Variants in EZR observed in about 807,000 individuals in gnomAD.
EZR encodes cytovillin 2.
In EZR, 40 loss-of-function variants were observed where a neutral mutation model predicts 74.8. That is an observed-to-expected ratio of 0.53 (90% CI 0.42 to 0.70). The LOEUF is 0.70. Among genes scored for constraint, EZR ranks in the 30% least tolerant of loss-of-function variants. The probability of loss-of-function intolerance (pLI) is 0.00; values close to 1 mark genes in which losing one functional copy is unlikely to be tolerated. For synonymous variants in EZR, 341 were observed against 283.3 expected (o/e 1.20, Z -2.05); for missense variants, 678 against 755.8 (o/e 0.90, Z 1.21).
At chr6:158,774,344 C>T (rs752777536) in intron 8 of EZR, among the ~76,000 whole-genome samples, 1 of 152,080 alleles carries the variant, frequency 6.6e-6, no homozygotes, top group African/African-American at 2.4e-5. Context: ...GGAATCTCAC[C>T]CCCATCTTCT....
chr6:158,799,351 T>C (rs1777143726), intron 2 of EZR, among the ~76,000 whole-genome samples: 1 of 152,158 alleles, frequency 6.6e-6, no homozygotes, highest in African/African-American at 2.4e-5. Context: ...TGACCAACAG[T>C]GCCCGGGCGG....
At chr6:158,799,537 G>A (rs1399882651) in intron 2 of EZR, among the ~76,000 whole-genome samples, 1 of 152,208 alleles carries the variant, frequency 6.6e-6, no homozygotes, top group South Asian at 2.1e-4. Context: ...CACAACAGAT[G>A]GACTCACATA....
In EZR at chr6:158,784,667, A is replaced by G. The variant is rs1183382486; in HGVS notation, c.528T>C (p.His176=). 2 of 1,614,076 alleles carry G rather than the reference A, an allele frequency of 1.2e-6. No homozygotes were observed. The highest frequency in any genetic ancestry group is 2.7e-5 in the African/African-American group (2 of 74,938). The stretch of plus-strand genomic sequence containing the variant: ...ACTTGAGCATCCCACGGTGTTCCGC[A>G]TGCCACACCTGGATCCGGTCCTCCC... ...DQWEDRIQVW[H]AEHRGMLKDN... Residue 176 remains histidine, a synonymous_variant, in exon 6 of 14, where the codon CAT becomes CAC. Coordinates refer to ENST00000367075, the MANE Select transcript of EZR (RefSeq NM_001111077.2).
chr6:158,795,167 G>A (rs550640201), intron 2 of EZR, among the ~76,000 whole-genome samples: 110 of 152,202 alleles, frequency 7.2e-4, no homozygotes, highest in Non-Finnish European at 1.4e-3. Context: ...AGAGAGAATC[G>A]CTTGAACCTG....
At chr6:158,781,059 A>C (rs535762158) in intron 7 of EZR, among the ~76,000 whole-genome samples, 1 of 152,136 alleles carries the variant, frequency 6.6e-6, no homozygotes, top group Non-Finnish European at 1.5e-5. Flanking sequence ...CTCAATTTCC[A>C]TATTCAATAG....
intron 2 of EZR, among the ~76,000 whole-genome samples, chr6:158,793,492 GTAAA>G (rs1219337340): frequency 2.0e-5 from 3 of 152,018 alleles, no homozygotes; most frequent in Non-Finnish European, 4.4e-5. Context: ...ATCTAAACAG[GTAAA>G]TGAATACTAT....
intron 8 of EZR, among the ~76,000 whole-genome samples, chr6:158,774,443 A>T (rs1791208074): frequency 6.6e-6 from 1 of 152,036 alleles, no homozygotes; most frequent in Non-Finnish European, 1.5e-5. Context: ...TCCTTCACGT[A>T]AATGTAGGCT....
intron 2 of EZR, among the ~76,000 whole-genome samples, chr6:158,797,653 A>G (rs1410844938): frequency 6.6e-6 from 1 of 152,256 alleles, no homozygotes; most frequent in Non-Finnish European, 1.5e-5. Context: ...TAGAAAGTAG[A>G]TACAGTAAAT....
chr6:158,769,797 C>T lies in EZR; in HGVS notation c.1238G>A (p.Ser413Asn), dbSNP rs2128564738. ...GGCCATTCCTACCAGCTGCTCCTGG[C>T]TCTTTATCTGATCCACCGCCTGTCT... Reference protein sequence around the residue: ...LERQAVDQIKSQEQLAAELAE... With the variant: ...LERQAVDQIKNQEQLAAELAE... Residue 413 changes from serine to asparagine, a missense_variant, in exon 11 of 14, where the codon AGC becomes AAC. Transcript: ENST00000367075. 2 of 1,613,974 alleles carry T rather than the reference C, an allele frequency of 1.2e-6. No individual in the cohort carries two copies. The highest frequency in any genetic ancestry group is 1.7e-6 in the Non-Finnish European group (2 of 1,180,032).
rs2128562325 is a variant in EZR, at chr6:158,765,894, A to C, written c.*1020T>G. On this transcript the variant is annotated 3_prime_UTR_variant, in exon 14 of 14. Transcript: ENST00000367075. ...CAAGCTGCCTTCCAGCAGCCTGCCA[A>C]GGCCATGGCAGAGAGAGACTGCAAA... 6.8e-6 allele frequency: 1 copy of C among 146,746 alleles called. No homozygotes were observed. The highest frequency in any genetic ancestry group is 1.9e-4 in the East Asian group (1 of 5,150). The allele number at this position is 146,746 out of a possible 1,614,324, so 9.1% of individuals were successfully genotyped here.
At chr6:158,768,290 C>T (rs1366606358) in intron 12 of EZR, among the ~76,000 whole-genome samples, 1 of 152,048 alleles carries the variant, frequency 6.6e-6, no homozygotes, top group Non-Finnish European at 1.5e-5. Context: ...CCTTCTGCCA[C>T]GATTGTAAAT....
chr6:158,769,388 T>C lies in EZR; in HGVS notation c.1282A>G (p.Ile428Val), dbSNP rs2128564208. 1 of 1,608,546 alleles carries C rather than the reference T, an allele frequency of 6.2e-7. No homozygotes were observed. The highest frequency in any genetic ancestry group is 8.5e-7 in the Non-Finnish European group (1 of 1,180,000). The change falls in exon 12 of 14, where the codon ATT becomes GTT. Residue 428 changes from isoleucine (I) to valine (V), a missense_variant. By Grantham distance (29) the Ile-to-Val change is conservative. Transcript: ENST00000367075. ...AAELAEYTAK[I>V]ALLEEARRRK... ...CTCCGCGCCTCTTCCAGGAGGGCAATCTTGGCAGTGTATTCTGCAAGCTCC... is the reference window on the plus strand; with the variant it reads ...CTCCGCGCCTCTTCCAGGAGGGCAACCTTGGCAGTGTATTCTGCAAGCTCC...
At chr6:158,795,222 AGC>A (rs1777042322) in intron 2 of EZR, among the ~76,000 whole-genome samples, 1 of 152,168 alleles carries the variant, frequency 6.6e-6, no homozygotes, top group African/African-American at 2.4e-5. Flanking sequence ...ACTGCACTCC[AGC>A]CTAGGTGACA....
rs58499377 is a variant in EZR, at chr6:158,811,875, C to CAAAAAA, written c.12+6201_12+6206dup. On this transcript the variant is annotated intron_variant, in intron 2 of 13. Transcript: ENST00000367075. ...GGGTGACAGAGTGAGACCCTGTTTC[C>CAAAAAA]AAAAAAAAAAAATTCACATTATTTC... 4.9e-3 allele frequency among the ~76,000 whole-genome samples: 685 copies of CAAAAAA among 140,672 alleles called. 6 individuals are homozygous for CAAAAAA. Among genetic ancestry groups the CAAAAAA allele is most frequent in the Middle Eastern group, 7.2e-3 (2 of 276 alleles). The allele number at this position is 140,672 out of a possible 152,430, so 92.3% of individuals were successfully genotyped here. A position where few individuals can be genotyped will look rare whatever the true frequency, so the allele number is the denominator to read the frequency against.
intron 4 of EZR, among the ~76,000 whole-genome samples, chr6:158,786,557 C>T (rs1414520698): frequency 1.3e-5 from 2 of 151,894 alleles, no homozygotes; most frequent in East Asian, 3.9e-4. Context: ...CCCTGGACCC[C>T]GAAACTTACT....
intron 8 of EZR, among the ~76,000 whole-genome samples, chr6:158,775,189 C>T (rs753947975): frequency 1.3e-5 from 2 of 151,944 alleles, no homozygotes; most frequent in Non-Finnish European, 1.5e-5. Context: ...CCCACCACCA[C>T]GCCCAGATAA....
At chr6:158,800,600 A>G (rs1246737454) in intron 2 of EZR, among the ~76,000 whole-genome samples, 2 of 152,234 alleles carry the variant, frequency 1.3e-5, no homozygotes, top group Non-Finnish European at 2.9e-5. Flanking sequence ...CAGCAGTTCG[A>G]GACCAGCCTG....
chr6:158,768,357 T>A (rs1195086906), intron 12 of EZR, among the ~76,000 whole-genome samples: 1 of 151,094 alleles, frequency 6.6e-6, no homozygotes, highest in African/African-American at 2.4e-5. Context: ...CTCTTTTCTT[T>A]AACTACCCAG....
intron 2 of EZR, among the ~76,000 whole-genome samples, chr6:158,807,314 CAAAAAA>C (rs56041297): frequency 6.8e-4 from 93 of 136,290 alleles, no homozygotes; most frequent in Non-Finnish European, 9.5e-4. Context: ...GACTCCGTCT[CAAAAAA>C]AAAAAAAAAA....
Sources: gnomAD v4.1 joint callset for allele counts (sites outside exome capture counted in the v4.1 genomes callset) on GRCh38, gnomAD v4.1.1 for gene constraint, MANE v1.5 for transcripts, NCBI Gene and HGNC (gene_info 2026-07-23, HGNC 2026-07-21) for gene names.